Variants in SATB2 observed in about 807,000 individuals in gnomAD.
The protein encoded by SATB2 is SATB homeobox 2.
A neutral mutation model predicts 73.4 loss-of-function variants in SATB2; 1 was observed. The observed-to-expected ratio is 0.01, with a 90% CI of 0.00 to 0.06. SATB2 has a LOEUF of 0.06. Ranked by LOEUF, SATB2 falls within the 10% of genes least tolerant of loss-of-function variation. SATB2 has a pLI of 1.00. For missense variants in SATB2, 459 were observed against 945.8 expected, an observed-to-expected ratio of 0.49 and a Z score of 6.75; for synonymous variants, 397 against 367.0, an observed-to-expected ratio of 1.08 and a Z score of -0.93.
At chr2:199,410,326 T>C (rs570889590) in intron 3 of SATB2, among the ~76,000 whole-genome samples, 234 of 152,310 alleles carry the variant, frequency 1.5e-3, no homozygotes, top group African/African-American at 5.5e-3. Context: ...CCCAGCTAAA[T>C]TCTGTGTGCT....
chr2:199,356,033 G>A lies in SATB2; in HGVS notation c.701-6860C>T, dbSNP rs116018339. Among the ~76,000 whole-genome samples the A allele has an allele frequency of 6.9e-3, 1,052 of 152,168 alleles. 5 individuals carry two copies. The highest frequency in any genetic ancestry group is 0.012 in the Non-Finnish European group (825 of 67,980). On this transcript the variant is annotated intron_variant, in intron 6 of 10. Transcript: ENST00000417098. ...ATAGTTATAATGGGTAGAAAGCAAT[G>A]AATTGGGTAAAAGGTTTTGCACTGA...
intron 3 of SATB2, among the ~76,000 whole-genome samples, chr2:199,404,943 T>G (rs1690587039): frequency 6.6e-6 from 1 of 152,220 alleles, no homozygotes; most frequent in Non-Finnish European, 1.5e-5. Context: ...ATAAAATCTG[T>G]TAGCAGCTGA....
At chr2:199,447,105 G>A (rs542070322) in intron 2 of SATB2, among the ~76,000 whole-genome samples, 4 of 152,136 alleles carry the variant, frequency 2.6e-5, no homozygotes, top group East Asian at 1.9e-4. Context: ...GAACTCCACC[G>A]TCACCACCTA....
intron 5 of SATB2, among the ~76,000 whole-genome samples, chr2:199,377,729 G>A (rs1464640340): frequency 6.6e-6 from 1 of 152,076 alleles, no homozygotes; most frequent in Admixed American, 6.6e-5. Context: ...AGGAACACAG[G>A]AGAATCAGGT....
intron 9 of SATB2, among the ~76,000 whole-genome samples, chr2:199,320,615 CAT>C (rs1687858557): frequency 6.6e-6 from 1 of 152,256 alleles, no homozygotes; most frequent in South Asian, 2.1e-4. Flanking sequence ...ACTAGGGAAA[CAT>C]ATACACACAC....
At chr2:199,345,855 T>A (rs1239349584) in intron 7 of SATB2, among the ~76,000 whole-genome samples, 1 of 152,208 alleles carries the variant, frequency 6.6e-6, no homozygotes, top group Non-Finnish European at 1.5e-5. Flanking sequence ...TTCCAGTGCC[T>A]GTTAAAGTTC....
intron 3 of SATB2, among the ~76,000 whole-genome samples, chr2:199,428,029 G>A (rs1691388119): frequency 6.6e-6 from 1 of 151,896 alleles, no homozygotes; most frequent in Non-Finnish European, 1.5e-5. Context: ...TGGAAATTCT[G>A]CTTTCTACAT....
rs887421337 is a variant in SATB2, at chr2:199,283,122, CGCCCAGGCTGGAGTGCAATGGT to C, written c.1741-10472_1741-10451del. Among the ~76,000 whole-genome samples the C allele has an allele frequency of 1.1e-4, 16 of 146,326 alleles. 1 individual carries two copies. Among genetic ancestry groups the C allele is most frequent in the Non-Finnish European group, 1.8e-4 (12 of 67,140 alleles). On this transcript the variant is annotated intron_variant, in intron 10 of 10. Coordinates refer to ENST00000417098, the MANE Select transcript of SATB2 (RefSeq NM_001172509.2). The stretch of plus-strand genomic sequence containing the variant: ...TTTTTGAGATGGAATCTCACTCTGT[CGCCCAGGCTGGAGTGCAATGGT>C]GCGATCTCGGCTCACTGCAAGCTCC...
rs16831282 is a variant in SATB2, at chr2:199,316,027, C to T, written c.1543-7070G>A. Among the ~76,000 whole-genome samples, 717 of 152,178 alleles carry T rather than the reference C, an allele frequency of 4.7e-3. 8 individuals are homozygous for T. The highest frequency in any genetic ancestry group is 0.016 in the African/African-American group (676 of 41,466). On this transcript the variant is annotated intron_variant, in intron 9 of 10. Transcript: ENST00000417098. ...CCCACATCTTCAATACAGAAAATGT[C>T]AGCATATGTAACCAAAGGGAAATGT...
intron 3 of SATB2, among the ~76,000 whole-genome samples, chr2:199,391,628 G>A (rs1267411259): frequency 6.6e-6 from 1 of 151,884 alleles, no homozygotes; most frequent in African/African-American, 2.4e-5. Context: ...ATATTTAAAG[G>A]CTGTAAACCA....
intron 3 of SATB2, among the ~76,000 whole-genome samples, chr2:199,388,284 T>A (rs1477314190): frequency 1.3e-5 from 2 of 152,168 alleles, no homozygotes; most frequent in Non-Finnish European, 2.9e-5. Context: ...GTCCCTGTAA[T>A]TATGGAGCTC....
At chr2:199,458,391 C>A, upstream of SATB2, 1 of 332,104 alleles carries the variant, frequency 3.0e-6, no homozygotes, top group Non-Finnish European at 6.0e-6. Flanking sequence ...AGTCGGCGGT[C>A]GGAGCGGGGT....
At chr2:199,340,460 A>G (rs1214428708) in intron 7 of SATB2, among the ~76,000 whole-genome samples, 1 of 152,174 alleles carries the variant, frequency 6.6e-6, no homozygotes, top group African/African-American at 2.4e-5. Context: ...TACTGTTACA[A>G]AAGAATAGCA....
chr2:199,280,288 C>G (rs765687020), intron 10 of SATB2, among the ~76,000 whole-genome samples: 1 of 152,128 alleles, frequency 6.6e-6, no homozygotes, highest in Non-Finnish European at 1.5e-5. Context: ...CCATCATCTT[C>G]GTAAGCTGAG....
chr2:199,443,820 A>C (rs1437567707), intron 2 of SATB2, among the ~76,000 whole-genome samples: 1 of 152,208 alleles, frequency 6.6e-6, no homozygotes, highest in Non-Finnish European at 1.5e-5. Context: ...GAAAGGAGAA[A>C]GAGAAAAAAA....
chr2:199,377,588 G>A (rs1471399974), intron 5 of SATB2, among the ~76,000 whole-genome samples: 2 of 152,120 alleles, frequency 1.3e-5, no homozygotes, highest in African/African-American at 4.8e-5. Context: ...TATAGAATGA[G>A]TGCAGGAAGA....
At chr2:199,307,119 A>T (rs1400400678) in intron 10 of SATB2, among the ~76,000 whole-genome samples, 1 of 151,980 alleles carries the variant, frequency 6.6e-6, no homozygotes, top group Non-Finnish European at 1.5e-5. Context: ...AAAGCAGTGG[A>T]GATGCCGGGG....
At chr2:199,403,872 T>C (rs1195202159) in intron 3 of SATB2, among the ~76,000 whole-genome samples, 1 of 151,658 alleles carries the variant, frequency 6.6e-6, no homozygotes, top group Non-Finnish European at 1.5e-5. Context: ...ACCATCTATT[T>C]AGCAAACATC....
chr2:199,382,480 T>C (rs1336455374), intron 3 of SATB2, among the ~76,000 whole-genome samples: 1 of 152,194 alleles, frequency 6.6e-6, no homozygotes, highest in Non-Finnish European at 1.5e-5. Flanking sequence ...TAGTACTTTT[T>C]CCCTGTGGAT....
Sources: allele counts gnomAD v4.1 joint callset (sites outside exome capture counted in the v4.1 genomes callset), GRCh38; gene constraint gnomAD v4.1.1; transcripts MANE v1.5; gene names NCBI Gene and HGNC (gene_info 2026-07-23, HGNC 2026-07-21).